OR5A2: variants seen among roughly 807,000 people sequenced by gnomAD.
OR5A2 encodes the protein olfactory receptor 5A2.
For missense variants in OR5A2, 406 were observed against 398.9 expected (o/e 1.02, Z -0.15); for synonymous variants, 155 against 151.1 (o/e 1.03, Z -0.19).
intron 1 of OR5A2, chr11:59,423,544 A>G (rs1207645523): frequency 6.5e-6 from 1 of 152,796 alleles, no homozygotes; most frequent in East Asian, 1.9e-4. Flanking sequence ...GCAATGGTCT[A>G]ACAATCTATT....
chr11:59,424,694 G>C (rs748048516), intron 1 of OR5A2: 2 of 152,230 alleles, frequency 1.3e-5, no homozygotes, highest in Non-Finnish European at 2.9e-5. Context: ...TAAGGTTGCT[G>C]TATTTTATTA....
intron 1 of OR5A2, chr11:59,424,481 G>C (rs1249562261): frequency 1.3e-5 from 2 of 152,224 alleles, no homozygotes; most frequent in East Asian, 1.9e-4. Flanking sequence ...CAGCTACTTG[G>C]AAGGCTGAGG....
intron 1 of OR5A2, chr11:59,424,918 G>A (rs986933620): frequency 2.0e-5 from 3 of 152,190 alleles, no homozygotes; most frequent in Non-Finnish European, 2.9e-5. Flanking sequence ...AAGGAAGTAA[G>A]AGGAATTTGG....
Position 59,421,879 on chromosome 11 carries a change from G to GA in OR5A2, c.*99dup. ...TATTAGTGAAATCTTAAGCAGGAGGGAAAAAAGCCTGATTCCCACAATTCA... is the reference window on the plus strand; with the variant it reads ...TATTAGTGAAATCTTAAGCAGGAGGGAAAAAAAGCCTGATTCCCACAATTCA... On this transcript the variant is annotated 3_prime_UTR_variant, in exon 2 of 2. Coordinates refer to ENST00000302040, the MANE Select transcript of OR5A2 (RefSeq NM_001001954.2). 1 of 1,310,762 alleles carries GA rather than the reference G, an allele frequency of 7.6e-7. No homozygotes were observed. The highest frequency in any genetic ancestry group is 1.5e-5 in the South Asian group (1 of 65,276). The allele number at this position is 1,310,762 out of a possible 1,614,324, so 81.2% of individuals were successfully genotyped here.
intron 1 of OR5A2, 121 bp downstream of exon 1, chr11:59,426,050 G>T (rs1316645378): frequency 6.6e-6 from 1 of 152,122 alleles, no homozygotes; most frequent in African/African-American, 2.4e-5. Context: ...TCTCCTAATA[G>T]ACTCAAGAAG....
At chr11:59,423,102 C>T in intron 1 of OR5A2, 58 bp from the exon 2 acceptor site, 2 of 775,098 alleles carry the variant, frequency 2.6e-6, no homozygotes, top group Non-Finnish European at 2.1e-6. Context: ...TAAAGCCCAG[C>T]CACCTGCTAG....
In OR5A2 at chr11:59,422,713, T is replaced by C; in HGVS notation, c.241A>G (p.Lys81Glu). 1 of 1,614,114 alleles carries C rather than the reference T, an allele frequency of 6.2e-7. No individual in the cohort carries two copies. Among genetic ancestry groups the C allele is most frequent in the East Asian group, 2.2e-5 (1 of 44,876 alleles). ...TCTGTGATGATGTCAGACAGCATCTTAGGGGCGGTGGAGGACACATAGCAG... is the reference window on the plus strand; with the variant it reads ...TCTGTGATGATGTCAGACAGCATCTCAGGGGCGGTGGAGGACACATAGCAG... ...DICYVSSTAP[K>E]MLSDIITEQK... The change falls in exon 2 of 2, where the codon AAG becomes GAG. Residue 81 changes from lysine to glutamate, a missense_variant. Coordinates refer to ENST00000302040, the MANE Select transcript of OR5A2 (RefSeq NM_001001954.2).
rs1417973946 is a variant in OR5A2, at chr11:59,420,281, T to C, written c.*1698A>G. On this transcript the variant is annotated 3_prime_UTR_variant, in exon 2 of 2. Coordinates refer to ENST00000302040, the MANE Select transcript of OR5A2 (RefSeq NM_001001954.2). Reference sequence around the variant, plus strand: ...ATGAAATTAATAATCTCAGATCCAATGACTTAAAAGTGAATATTCTTAACC... The same window carrying C: ...ATGAAATTAATAATCTCAGATCCAACGACTTAAAAGTGAATATTCTTAACC... 6.6e-6 allele frequency: 1 copy of C among 152,160 alleles called. No individual in the cohort carries two copies. The highest frequency in any genetic ancestry group is 1.9e-4 in the East Asian group (1 of 5,178). The allele number at this position is 152,160 out of a possible 1,614,324, so 9.4% of individuals were successfully genotyped here.
chr11:59,422,068 T>C lies in OR5A2; in HGVS notation c.886A>G (p.Lys296Glu). 6.2e-7 allele frequency: 1 copy of C among 1,614,086 alleles called. No individual in the cohort carries two copies. Among genetic ancestry groups the C allele is most frequent in the Non-Finnish European group, 8.5e-7 (1 of 1,179,982 alleles). ...TTCCTCATGGCATTTTTAATCTCCT[T>C]ATTCCTAAAACTGTAGATGATGGGA... is the stretch of plus-strand genomic sequence containing the variant. Reference protein sequence around the residue: ...VNPIIYSFRNKEIKNAMRKAM... With the variant: ...VNPIIYSFRNEEIKNAMRKAM... The change falls in exon 2 of 2, where the codon AAG becomes GAG. Residue 296 changes from lysine (K) to glutamate (E), a missense_variant. Transcript: ENST00000302040.
rs138871943 is a variant in OR5A2, at chr11:59,422,215, T to C, written c.739A>G (p.Thr247Ala). Residue 247 changes from threonine to alanine, a missense_variant, in exon 2 of 2, where the codon ACT (threonine) becomes GCT (alanine). Transcript: ENST00000302040. ...KAFSTCASHL[T>A]AVTLFYGSGF... ...GAACCATAGAAGAGGGTCACAGCAG[T>C]CAGGTGAGAGGCACAAGTGCTGAAG... The C allele has an allele frequency of 5.6e-5, 90 of 1,614,124 alleles. No homozygotes were observed. Among genetic ancestry groups the C allele is most frequent in the Non-Finnish European group, 7.5e-5 (89 of 1,180,008 alleles).
rs559056210 is a variant in OR5A2, at chr11:59,420,650, C to T, written c.*1329G>A. 4.7e-4 allele frequency: 71 copies of T among 152,268 alleles called. 1 individual carries two copies. The highest frequency in any genetic ancestry group is 1.7e-3 in the African/African-American group (70 of 41,562). 9.4% of individuals were successfully genotyped at this position (152,268 alleles called of 1,614,324 possible). Reference sequence around the variant, plus strand: ...ATATTATTTACTCACTTATTTATAGCCTACCCAAGAAAGGCCACAGCTGAA... The same window carrying T: ...ATATTATTTACTCACTTATTTATAGTCTACCCAAGAAAGGCCACAGCTGAA... On this transcript the variant is annotated 3_prime_UTR_variant, in exon 2 of 2. Transcript: ENST00000302040.
intron 1 of OR5A2, chr11:59,423,293 A>T (rs1413081446): frequency 4.7e-6 from 1 of 211,766 alleles, no homozygotes; most frequent in South Asian, 1.2e-4. Flanking sequence ...CCAGATTCTC[A>T]TTTTCCCAAA....
In OR5A2 at chr11:59,421,723, A is replaced by G; in HGVS notation, c.*256T>C. 4.9e-6 allele frequency: 2 copies of G among 405,426 alleles called. No homozygotes were observed. Among genetic ancestry groups the G allele is most frequent in the Non-Finnish European group, 8.8e-6 (2 of 226,440 alleles). The allele number at this position is 405,426 out of a possible 1,614,324, so 25.1% of individuals were successfully genotyped here. A position where few individuals can be genotyped will look rare whatever the true frequency, so the allele number is the denominator to read the frequency against. On this transcript the variant is annotated 3_prime_UTR_variant, in exon 2 of 2. Coordinates refer to ENST00000302040, the MANE Select transcript of OR5A2 (RefSeq NM_001001954.2). ...TCCTATACATACAAACTCTGTTTTA[A>G]CATTCCAGGATGTTTTTTGTCATGA...
rs1036248912 is a variant in OR5A2 at position 59,419,227 on chromosome 11, T to C, written c.*2752A>G. 3.3e-5 allele frequency: 5 copies of C among 152,130 alleles called. No homozygotes were observed. Among genetic ancestry groups the C allele is most frequent in the African/African-American group, 9.7e-5 (4 of 41,442 alleles). 9.4% of individuals were successfully genotyped at this position (152,130 alleles called of 1,614,324 possible). ...GTTGGCTGAGACTGATATGTCTCAA[T>C]TGGAGTGGATACCCTAAACTTATTT... On this transcript the variant is annotated 3_prime_UTR_variant, in exon 2 of 2. Coordinates refer to ENST00000302040, the MANE Select transcript of OR5A2 (RefSeq NM_001001954.2).
Position 59,417,187 on chromosome 11 carries a change from A to ATAGAATGTG in OR5A2, c.*4783_*4791dup, listed in dbSNP as rs1489873832. The ATAGAATGTG allele has an allele frequency of 6.6e-6, 1 of 151,996 alleles. No individual in the cohort carries two copies. Among genetic ancestry groups the ATAGAATGTG allele is most frequent in the East Asian group, 1.9e-4 (1 of 5,154 alleles). 9.4% of individuals were successfully genotyped at this position (151,996 alleles called of 1,614,324 possible). ...CCGGGTCCCAGCTGCCGGTTTATTT[A>ATAGAATGTG]TAGAATGTGGTCCCACCCAAAGTGT... On this transcript the variant is annotated 3_prime_UTR_variant, in exon 2 of 2. Transcript: ENST00000302040.
Position 59,420,298 on chromosome 11 carries a change from T to G in OR5A2, c.*1681A>C, listed in dbSNP as rs1157561667. On this transcript the variant is annotated 3_prime_UTR_variant, in exon 2 of 2. Transcript: ENST00000302040. ...AGATCCAATGACTTAAAAGTGAATATTCTTAACCCTCTTTGCAAAAGTCCC... is the reference window on the plus strand; with the variant it reads ...AGATCCAATGACTTAAAAGTGAATAGTCTTAACCCTCTTTGCAAAAGTCCC... 1 of 152,154 alleles carries G rather than the reference T, an allele frequency of 6.6e-6. No homozygotes were observed. Among genetic ancestry groups the G allele is most frequent in the Non-Finnish European group, 1.5e-5 (1 of 68,022 alleles). 9.4% of individuals were successfully genotyped at this position (152,154 alleles called of 1,614,324 possible). A position where few individuals can be genotyped will look rare whatever the true frequency, so the allele number is the denominator to read the frequency against.
Position 59,422,159 on chromosome 11 carries a change from G to A in OR5A2, c.795C>T (p.Ser265=). 2 of 1,614,118 alleles carry A rather than the reference G, an allele frequency of 1.2e-6. No homozygotes were observed. Among genetic ancestry groups the A allele is most frequent in the Non-Finnish European group, 1.7e-6 (2 of 1,180,000 alleles). ...SGFFMYMRPS[S]SYSLNRDKVV... is the part of the protein sequence containing the mutation. The stretch of plus-strand genomic sequence containing the variant: ...CCTTGTCCCTGTTTAGGGAGTAGCT[G>A]GAACTGGGTCGCATGTACATGAAGA... The change falls in exon 2 of 2, where the codon TCC becomes TCT. Residue 265 remains serine, a synonymous_variant. Transcript: ENST00000302040.
In OR5A2 at chr11:59,417,593, A is replaced by G. The variant is rs1858170660; in HGVS notation, c.*4386T>C. 1 of 152,072 alleles carries G rather than the reference A, an allele frequency of 6.6e-6. No homozygotes were observed. The allele number at this position is 152,072 out of a possible 1,614,324, so 9.4% of individuals were successfully genotyped here. A position where few individuals can be genotyped will look rare whatever the true frequency, so the allele number is the denominator to read the frequency against. Reference sequence around the variant, plus strand: ...CTGATGGAAGAACGTGCTGGCATACATGGCGTATCACCTTACATGCAAGAT... The same window carrying G: ...CTGATGGAAGAACGTGCTGGCATACGTGGCGTATCACCTTACATGCAAGAT... On this transcript the variant is annotated 3_prime_UTR_variant, in exon 2 of 2. Coordinates refer to ENST00000302040, the MANE Select transcript of OR5A2 (RefSeq NM_001001954.2).
At position 59,420,833 on chromosome 11, in the gene OR5A2, A is replaced by T. The variant is rs990503896; in HGVS notation, c.*1146T>A. ...AATAGAGAACTTTTCATCCCAAATGAGCGTATGCTTCTCTTTAGATTCCTA... is the reference window on the plus strand; with the variant it reads ...AATAGAGAACTTTTCATCCCAAATGTGCGTATGCTTCTCTTTAGATTCCTA... On this transcript the variant is annotated 3_prime_UTR_variant, in exon 2 of 2. Transcript: ENST00000302040. 5.3e-5 allele frequency: 8 copies of T among 152,182 alleles called. No individual in the cohort carries two copies. The highest frequency in any genetic ancestry group is 1.7e-4 in the African/African-American group (7 of 41,426). 9.4% of individuals were successfully genotyped at this position (152,182 alleles called of 1,614,324 possible).
Sources: gnomAD v4.1 joint callset for allele counts on GRCh38, gnomAD v4.1.1 for gene constraint, MANE v1.5 for transcripts, NCBI Gene and HGNC (gene_info 2026-07-23, HGNC 2026-07-21) for gene names.